The following DNMT3A variants were observed in gnomAD, a reference collection of about 807,000 sequenced individuals.
The protein encoded by DNMT3A is DNA methyltransferase 3 alpha.
DNMT3A carries 267 observed loss-of-function variants against 117.6 expected under a neutral mutation model. The ratio of observed to expected loss-of-function variants is 2.27; its 90% CI spans 2.05 to 2.51. The LOEUF is 2.51. DNMT3A is among the 30% of genes most tolerant of loss of function. DNMT3A has a pLI of 0.00. For missense variants in DNMT3A, 1,029 were observed against 1,260.2 expected, an observed-to-expected ratio of 0.82 and a Z score of 2.78; for synonymous variants, 432 against 474.8, an observed-to-expected ratio of 0.91 and a Z score of 1.17.
chr2:25,321,144 A>T (rs181115102), intron 1 of DNMT3A, among the ~76,000 whole-genome samples: 1 of 152,186 alleles, frequency 6.6e-6, no homozygotes, highest in Non-Finnish European at 1.5e-5. Context: ...AAAAAAAAAA[A>T]TTATCTTGCA....
In DNMT3A at chr2:25,233,181, G is replaced by A. The variant is rs1047675265; in HGVS notation, c.*1098C>T. The A allele has an allele frequency of 1.6e-4, 37 of 233,660 alleles. No individual in the cohort carries two copies. The highest frequency in any genetic ancestry group is 5.6e-5 in the Admixed American group (1 of 17,770). 14.5% of individuals were successfully genotyped at this position (233,660 alleles called of 1,614,324 possible). A position where few individuals can be genotyped will look rare whatever the true frequency, so the allele number is the denominator to read the frequency against. On this transcript the variant is annotated 3_prime_UTR_variant, in exon 23 of 23. Coordinates refer to ENST00000321117, the MANE Select transcript of DNMT3A (RefSeq NM_022552.5). ...AAAGGGTTATTGCATGAGTCTGGAT[G>A]AATCCCACTCTCAGCTGTCCACGGG... is the stretch of plus-strand genomic sequence containing the variant.
rs138560584 is a variant in DNMT3A, at chr2:25,231,944, CGT to C, written c.*2333_*2334del. Reference sequence around the variant, plus strand: ...GAGAAGAGTGCTGGGAGCCCCCTGGCGTGTGTGTGTGTGTGTGAGTGCATTCA... The same window carrying C: ...GAGAAGAGTGCTGGGAGCCCCCTGGCGTGTGTGTGTGTGTGAGTGCATTCA... On this transcript the variant is annotated 3_prime_UTR_variant, in exon 23 of 23. Transcript: ENST00000321117. The C allele has an allele frequency of 1.1e-4, 17 of 150,788 alleles. No individual in the cohort carries two copies. Among genetic ancestry groups the C allele is most frequent in the East Asian group, 5.8e-4 (3 of 5,134 alleles). The allele number at this position is 150,788 out of a possible 1,614,324, so 9.3% of individuals were successfully genotyped here. A position where few individuals can be genotyped will look rare whatever the true frequency, so the allele number is the denominator to read the frequency against.
rs1032096332 is a variant in DNMT3A, at chr2:25,332,110, C to T, written c.-178+9716G>A. Among the ~76,000 whole-genome samples the T allele has an allele frequency of 7.9e-5, 12 of 152,346 alleles. No individual in the cohort carries two copies. In the Middle Eastern group the frequency reaches 0.017, roughly 216 times the overall value. On this transcript the variant is annotated intron_variant, in intron 1 of 22. Coordinates refer to ENST00000321117, the MANE Select transcript of DNMT3A (RefSeq NM_022552.5). ...CAGCCTTCCACCCGGGCTCCCTGCC[C>T]CTAAACCCTATTGCCCGAGCTCTCG...
chr2:25,290,775 G>A (rs976055102), intron 3 of DNMT3A, among the ~76,000 whole-genome samples: 3 of 137,818 alleles, frequency 2.2e-5, no homozygotes, highest in Non-Finnish European at 4.7e-5. Context: ...CACCTGCAGC[G>A]ATCACCGGGG....
At chr2:25,246,940 G>A in intron 9 of DNMT3A, 111 bp downstream of exon 9, 1 of 1,463,986 alleles carries the variant, frequency 6.8e-7, no homozygotes, top group South Asian at 1.3e-5. Flanking sequence ...TGGAGAGAAA[G>A]GAGTCGCTGC....
At chr2:25,288,935 C>T (rs1225193763) in intron 3 of DNMT3A, among the ~76,000 whole-genome samples, 1 of 152,178 alleles carries the variant, frequency 6.6e-6, no homozygotes, top group East Asian at 1.9e-4. Flanking sequence ...CAGCCTTGCC[C>T]TGAAGGGTGG....
rs76145321 is a variant in DNMT3A at position 25,287,486 on chromosome 2, C to T, written c.178-4775G>A. On this transcript the variant is annotated intron_variant, in intron 3 of 22. Transcript: ENST00000321117. ...GGGTCCCTCCGAGTTTGCCAATCTT[C>T]GCTTTCCTTCTGGGCAGAACCCCCA... Among the ~76,000 whole-genome samples the T allele has an allele frequency of 1.0e-3, 159 of 152,292 alleles. 4 individuals carry two copies. In the East Asian group the frequency reaches 0.027, roughly 26 times the overall value.
chr2:25,271,019 C>T (rs1458480412), intron 6 of DNMT3A, among the ~76,000 whole-genome samples: 1 of 151,546 alleles, frequency 6.6e-6, no homozygotes, highest in Admixed American at 6.6e-5. Flanking sequence ...TGCGAAACTC[C>T]GTCTCAAAAA....
In DNMT3A at chr2:25,252,522, C is replaced by G. The variant is rs1014201623; in HGVS notation, c.640-4270G>C. ...CCGGGGGGCGAGGCCGTTCCCCGCC[C>G]GTTCCCAGGGCCCGCCCAGGCCGGG... On this transcript the variant is annotated intron_variant, in intron 6 of 22. Transcript: ENST00000321117. This position sits in a 1 kb window ranked among gnomAD's most constrained non-coding sequence, Gnocchi z 5.5. Among the ~76,000 whole-genome samples the G allele has an allele frequency of 2.0e-5, 3 of 151,632 alleles. No homozygotes were observed. Among genetic ancestry groups the G allele is most frequent in the Admixed American group, 2.0e-4 (3 of 15,234 alleles).
intron 2 of DNMT3A, among the ~76,000 whole-genome samples, chr2:25,303,072 C>A (rs1027599753): frequency 1.3e-5 from 2 of 152,194 alleles, no homozygotes; most frequent in African/African-American, 4.8e-5. Flanking sequence ...GCTGAATCCC[C>A]AGCGCCTAGG....
At chr2:25,253,412 T>C (rs560536334) in intron 6 of DNMT3A, among the ~76,000 whole-genome samples, 13 of 152,074 alleles carry the variant, frequency 8.5e-5, no homozygotes, top group Admixed American at 6.5e-5. Context: ...ATGGGCGGCA[T>C]GGATGACAAA....
intron 2 of DNMT3A, among the ~76,000 whole-genome samples, 156 bp from the exon 3 acceptor site, chr2:25,300,399 C>G (rs1187458515): frequency 6.6e-6 from 1 of 151,334 alleles, no homozygotes; most frequent in Non-Finnish European, 1.5e-5. Flanking sequence ...CCCCCACCAA[C>G]TCCCCTCCTG....
intron 1 of DNMT3A, among the ~76,000 whole-genome samples, chr2:25,325,595 GA>G (rs1401051157): frequency 6.6e-6 from 1 of 152,162 alleles, no homozygotes; most frequent in Admixed American, 6.5e-5. Context: ...GTCCTCGGGG[GA>G]GAGTGCTCCC....
In DNMT3A at chr2:25,230,797, G is replaced by GT; in HGVS notation, c.*3481_*3482insA. On this transcript the variant is annotated 3_prime_UTR_variant, in exon 23 of 23. Transcript: ENST00000321117. The stretch of plus-strand genomic sequence containing the variant: ...TTAACTCTCGTCCCTGCAAGGGGGG[G>GT]GGGGGGGGGGCCATGACCCCTGGGG... 6.8e-6 allele frequency: 1 copy of GT among 146,486 alleles called. No individual in the cohort carries two copies. Among genetic ancestry groups the GT allele is most frequent in the Non-Finnish European group, 1.5e-5 (1 of 66,750 alleles). 9.1% of individuals were successfully genotyped at this position (146,486 alleles called of 1,614,324 possible).
chr2:25,251,790 G>C (rs1675595751), intron 6 of DNMT3A: 1 of 275,664 alleles, frequency 3.6e-6, no homozygotes, highest in Non-Finnish European at 6.8e-6. Context: ...GGACCGCGTG[G>C]TCCCCCAGCC....
rs1345766457 is a variant in DNMT3A, at chr2:25,237,965, G to T, written c.2409-960C>A. Reference sequence around the variant, plus strand: ...TCCAGGATCTCAGTGTGGGAACCACGGGGCCTGCAGTCAAATCAGGTGCTC... The same window carrying T: ...TCCAGGATCTCAGTGTGGGAACCACTGGGCCTGCAGTCAAATCAGGTGCTC... On this transcript the variant is annotated intron_variant, in intron 20 of 22. Transcript: ENST00000321117. The surrounding 1 kb of genome is among the most constrained non-coding windows in gnomAD (Gnocchi z 5.4). Among the ~76,000 whole-genome samples, 1 of 152,248 alleles carries T rather than the reference G, an allele frequency of 6.6e-6. No homozygotes were observed. Among genetic ancestry groups the T allele is most frequent in the Non-Finnish European group, 1.5e-5 (1 of 68,042 alleles).
At chr2:25,262,082 C>T (rs556176976) in intron 6 of DNMT3A, among the ~76,000 whole-genome samples, 10 of 149,564 alleles carry the variant, frequency 6.7e-5, no homozygotes, top group South Asian at 2.1e-4. Flanking sequence ...CCCACCTACT[C>T]GGGAGGCTGA....
chr2:25,254,577 A>G lies in DNMT3A; in HGVS notation c.640-6325T>C, dbSNP rs1321274711. Among the ~76,000 whole-genome samples the G allele has an allele frequency of 2.6e-5, 4 of 152,184 alleles. No individual in the cohort carries two copies. The highest frequency in any genetic ancestry group is 9.7e-5 in the African/African-American group (4 of 41,434). The stretch of plus-strand genomic sequence containing the variant: ...GGTACACATTTCCAGGGGCTCCCCA[A>G]GCAGAAGTGAGAAGCCCAGAATTTG... On this transcript the variant is annotated intron_variant, in intron 6 of 22. Coordinates refer to ENST00000321117, the MANE Select transcript of DNMT3A (RefSeq NM_022552.5). The surrounding 1 kb of genome is among the most constrained non-coding windows in gnomAD (Gnocchi z 4.7).
chr2:25,269,504 T>C (rs1482712593), intron 6 of DNMT3A, among the ~76,000 whole-genome samples: 1 of 152,156 alleles, frequency 6.6e-6, no homozygotes, highest in Non-Finnish European at 1.5e-5. Flanking sequence ...GGAAGGAGCA[T>C]GGCAATGTCC....
Sources: gnomAD v4.1 joint callset for allele counts (sites outside exome capture counted in the v4.1 genomes callset) on GRCh38, gnomAD v4.1.1 for gene constraint, Gnocchi (gnomAD v3.1) non-coding constraint, MANE v1.5 for transcripts, NCBI Gene and HGNC (gene_info 2026-07-23, HGNC 2026-07-21) for gene names.